Variants in IRAK1BP1 observed in about 807,000 individuals in gnomAD.
IRAK1BP1 encodes interleukin-1 receptor-associated kinase 1-binding protein 1.
In IRAK1BP1, 24 loss-of-function variants were observed where a neutral mutation model predicts 28.0. That is an observed-to-expected ratio of 0.86 (90% CI 0.62 to 1.20). IRAK1BP1 has a LOEUF of 1.20. Among genes scored for constraint, IRAK1BP1 ranks in the 50% most tolerant of loss-of-function variants. IRAK1BP1 has a pLI of 0.00. For missense variants in IRAK1BP1, 336 were observed against 316.7 expected (o/e 1.06, Z -0.46); for synonymous variants, 131 against 116.3 (o/e 1.13, Z -0.81).
chr6:78,917,821 C>G (rs997410181), intron 4 of IRAK1BP1, among the ~76,000 whole-genome samples: 1 of 152,102 alleles, frequency 6.6e-6, no homozygotes, highest in African/African-American at 2.4e-5. Flanking sequence ...TCCTGCCAAA[C>G]TAAGCTTCAT....
At chr6:78,909,566 A>G (rs1772350771) in intron 4 of IRAK1BP1, among the ~76,000 whole-genome samples, 2 of 152,368 alleles carry the variant, frequency 1.3e-5, no homozygotes, top group South Asian at 4.1e-4. Context: ...TGACAAATGC[A>G]GAATTGCACA....
the IRAK1BP1 span, among the ~76,000 whole-genome samples, chr6:78,959,199 T>C: frequency 6.6e-6 from 1 of 152,102 alleles, no homozygotes; most frequent in Non-Finnish European, 1.5e-5. Flanking sequence ...TTTCTGAAAG[T>C]AAATAAAAAT....
At chr6:78,895,507 A>G (rs1183590082) in intron 2 of IRAK1BP1, among the ~76,000 whole-genome samples, 2 of 151,010 alleles carry the variant, frequency 1.3e-5, no homozygotes, top group Non-Finnish European at 3.0e-5. Context: ...ACACACATGG[A>G]CACACACACG....
intron 2 of IRAK1BP1, among the ~76,000 whole-genome samples, chr6:78,886,665 G>A (rs187907599): frequency 2.0e-5 from 3 of 152,036 alleles, no homozygotes; most frequent in Non-Finnish European, 4.4e-5. Flanking sequence ...AGGTACCAAG[G>A]GAATAATAAG....
chr6:78,871,563 ATGTT>A, intron 1 of IRAK1BP1: 2 of 982,766 alleles, frequency 2.0e-6, no homozygotes, highest in Non-Finnish European at 2.4e-6. Context: ...AATGGACTAA[ATGTT>A]TGTTTCCCCC....
the IRAK1BP1 span, chr6:78,969,846 C>G: frequency 1.3e-6 from 2 of 1,550,408 alleles, no homozygotes; most frequent in Non-Finnish European, 1.8e-6. Context: ...TATATTCCAT[C>G]GCCTGTATTT....
chr6:78,913,152 G>A (rs1772471797), intron 4 of IRAK1BP1, among the ~76,000 whole-genome samples: 1 of 151,850 alleles, frequency 6.6e-6, no homozygotes, highest in South Asian at 2.1e-4. Context: ...TGGCTAACAC[G>A]GTGAAACCCC....
intron 4 of IRAK1BP1, among the ~76,000 whole-genome samples, chr6:78,908,482 A>C (rs754289149): frequency 4.6e-5 from 7 of 152,054 alleles, no homozygotes; most frequent in Non-Finnish European, 7.4e-5. Context: ...TTGAGTAGCT[A>C]AGACTCAACC....
the IRAK1BP1 span, among the ~76,000 whole-genome samples, chr6:78,975,809 A>G: frequency 6.6e-6 from 1 of 150,872 alleles, no homozygotes. Flanking sequence ...TAGGAATCCA[A>G]CTTACAAGGG....
At chr6:78,927,884 T>C (rs1038692079) in intron 4 of IRAK1BP1, among the ~76,000 whole-genome samples, 5 of 152,172 alleles carry the variant, frequency 3.3e-5, no homozygotes, top group Non-Finnish European at 5.9e-5. Flanking sequence ...TTCTGTTCCA[T>C]TGGTCTATGT....
rs963163423 is a variant in IRAK1BP1, at chr6:78,901,420, A to G, written c.*3086A>G. On this transcript the variant is annotated 3_prime_UTR_variant, in exon 4 of 4. Coordinates refer to ENST00000369940, the MANE Select transcript of IRAK1BP1 (RefSeq NM_001010844.4). ...AATTTAATTTCTTGATACATGGCATACACTGGAATCTTATGATGAATTATT... is the reference window on the plus strand; with the variant it reads ...AATTTAATTTCTTGATACATGGCATGCACTGGAATCTTATGATGAATTATT... 2.0e-5 allele frequency: 3 copies of G among 152,092 alleles called. No homozygotes were observed. Among genetic ancestry groups the G allele is most frequent in the African/African-American group, 4.8e-5 (2 of 41,442 alleles). 9.4% of individuals were successfully genotyped at this position (152,092 alleles called of 1,614,324 possible). A position where few individuals can be genotyped will look rare whatever the true frequency, so the allele number is the denominator to read the frequency against.
At chr6:78,907,317 A>G (rs1772286042), downstream of IRAK1BP1, among the ~76,000 whole-genome samples, 1 of 152,192 alleles carries the variant, frequency 6.6e-6, no homozygotes, top group African/African-American at 2.4e-5. Flanking sequence ...CTTCCTAGTT[A>G]TACCTATTTT....
intron 1 of IRAK1BP1, 150 bp downstream of exon 1, chr6:78,868,041 C>T: frequency 2.7e-6 from 2 of 745,530 alleles, no homozygotes; most frequent in Non-Finnish European, 4.2e-6. Flanking sequence ...TCCGGGACGC[C>T]AGGACCTGGC....
At chr6:78,918,621 A>T (rs1437138429) in intron 4 of IRAK1BP1, among the ~76,000 whole-genome samples, 3 of 148,252 alleles carry the variant, frequency 2.0e-5, no homozygotes, top group Admixed American at 6.7e-5. Context: ...AGGGTGTTAC[A>T]TAATGATAGG....
intron 4 of IRAK1BP1, chr6:78,938,016 C>G (rs1010761275): frequency 1.3e-5 from 2 of 151,736 alleles, no homozygotes. Context: ...GGCCTATTAA[C>G]AGTACATACA....
chr6:78,909,300 ATT>A (rs1772343206), intron 4 of IRAK1BP1, among the ~76,000 whole-genome samples: 1 of 152,184 alleles, frequency 6.6e-6, no homozygotes, highest in African/African-American at 2.4e-5. Flanking sequence ...ACTTAGCAAT[ATT>A]TTCAATTTAC....
At chr6:78,915,353 C>A (rs1175922580) in intron 4 of IRAK1BP1, among the ~76,000 whole-genome samples, 2 of 152,128 alleles carry the variant, frequency 1.3e-5, no homozygotes, top group Admixed American at 6.5e-5. Flanking sequence ...GTTGCATAGA[C>A]CTCATGACTA....
intron 4 of IRAK1BP1, among the ~76,000 whole-genome samples, chr6:78,918,214 A>G (rs1772612664): frequency 6.6e-6 from 1 of 152,092 alleles, no homozygotes. Context: ...GAAGGATTGC[A>G]TGAGCCTAGA....
chr6:78,960,105 A>G, the IRAK1BP1 span, among the ~76,000 whole-genome samples: 1 of 152,150 alleles, frequency 6.6e-6, no homozygotes, highest in Admixed American at 6.6e-5. Context: ...AGCCCAGAAA[A>G]AGATGAAAAT....
Sources: gnomAD v4.1 joint callset for allele counts (sites outside exome capture counted in the v4.1 genomes callset) on GRCh38, gnomAD v4.1.1 for gene constraint, MANE v1.5 for transcripts, NCBI Gene and HGNC (gene_info 2026-07-23, HGNC 2026-07-21) for gene names.